The following ST6GALNAC4 variants were observed in gnomAD, a reference collection of about 807,000 sequenced individuals.
ST6GALNAC4 encodes alpha-N-acetyl-neuraminyl-2,3-beta-galactosyl-1,3-N-acetyl-galactosaminide alpha-2,6-sialyltransferase.
In ST6GALNAC4, 24 loss-of-function variants were observed where a neutral mutation model predicts 30.4. The observed-to-expected ratio is 0.79, with a 90% CI of 0.57 to 1.11. The LOEUF (loss-of-function observed/expected upper bound fraction) is 1.11. Among genes scored for constraint, ST6GALNAC4 ranks in the 50% most tolerant of loss-of-function variants. The pLI is 0.00. For missense variants in ST6GALNAC4, 365 were observed against 430.1 expected, an observed-to-expected ratio of 0.85 and a Z score of 1.34; for synonymous variants, 156 against 179.7, an observed-to-expected ratio of 0.87 and a Z score of 1.05.
rs372789800 is a variant in ST6GALNAC4 at position 127,916,408 on chromosome 9, C to T, written c.12G>A (p.Pro4=). ...GGAAGTCCTCCTTCTTCCCACTTAC[C>T]GGAGCCTTCATGCTGTCGCTGTCCC... The part of the protein sequence containing the change: MKA[P]GRLVLIILCS... Residue 4 remains proline, a splice_region_variant and synonymous_variant, in exon 2 of 6, where the codon CCG becomes CCA. Coordinates refer to ENST00000335791, the MANE Select transcript of ST6GALNAC4 (RefSeq NM_175039.4). 9 of 1,614,024 alleles carry T rather than the reference C, an allele frequency of 5.6e-6. No individual in the cohort carries two copies. Among genetic ancestry groups the T allele is most frequent in the South Asian group, 1.1e-5 (1 of 91,082 alleles).
intron 4 of ST6GALNAC4, chr9:127,910,271 C>A (rs1342255339): frequency 9.6e-6 from 13 of 1,354,320 alleles, no homozygotes; most frequent in African/African-American, 1.5e-5. Context: ...CTGATCACCT[C>A]CTCAGCACCC....
At position 127,914,559 on chromosome 9, in the gene ST6GALNAC4, C is replaced by CACATG; in HGVS notation, c.198+92_198+96dup. The CACATG allele has an allele frequency of 5.2e-6, 3 of 572,738 alleles. No homozygotes were observed. In the East Asian group the frequency reaches 3.1e-4, roughly 60 times the overall value. The allele number at this position is 572,738 out of a possible 1,614,324, so 35.5% of individuals were successfully genotyped here. A position where few individuals can be genotyped will look rare whatever the true frequency, so the allele number is the denominator to read the frequency against. ...GAGAGGTGATGTGATTGGCCAGGAT[C>CACATG]ACATGGCTGGTGAGTAGAGGGGCCA... On this transcript the variant is annotated intron_variant, in intron 3 of 5. Coordinates refer to ENST00000335791, the MANE Select transcript of ST6GALNAC4 (RefSeq NM_175039.4).
intron 5 of ST6GALNAC4, among the ~76,000 whole-genome samples, chr9:127,909,748 G>A (rs946764332): frequency 2.6e-5 from 4 of 152,150 alleles, no homozygotes; most frequent in Non-Finnish European, 5.9e-5. Flanking sequence ...GACCACAACA[G>A]CCACACTGGG....
intron 2 of ST6GALNAC4, 104 bp downstream of exon 2, chr9:127,916,304 G>C: frequency 6.8e-7 from 1 of 1,470,656 alleles, no homozygotes; most frequent in East Asian, 2.3e-5. Context: ...CTCAGCAGTA[G>C]GGAGGTCAGA....
chr9:127,916,109 C>G, intron 2 of ST6GALNAC4: 1 of 531,346 alleles, frequency 1.9e-6, no homozygotes, highest in Non-Finnish European at 3.4e-6. Context: ...GCAGTAAAGA[C>G]AAGAGCGGCT....
intron 3 of ST6GALNAC4, 98 bp downstream of exon 3, chr9:127,914,558 T>A: frequency 4.4e-5 from 20 of 459,420 alleles, no homozygotes; most frequent in East Asian, 4.1e-4. Flanking sequence ...TTGGCCAGGA[T>A]CACATGGCTG....
intron 3 of ST6GALNAC4, among the ~76,000 whole-genome samples, chr9:127,912,901 C>T (rs920085103): frequency 6.6e-6 from 1 of 152,232 alleles, no homozygotes; most frequent in Non-Finnish European, 1.5e-5. Flanking sequence ...CCCACTTCCT[C>T]ATCAGCCATA....
At position 127,912,678 on chromosome 9, in the gene ST6GALNAC4, C is replaced by A. The variant is rs201472441; in HGVS notation, c.201G>T (p.Pro67=). ...AGCTGCGGCAGGGCTCGCGGACCAG[C>A]GGCTGCAGGGCAGGCAGGGAGAAAG... ...SGYSSVPDGK[P]LVREPCRSCA... The change falls in exon 4 of 6, where the codon CCG becomes CCT. Residue 67 remains proline, a splice_region_variant and synonymous_variant. Transcript: ENST00000335791. The A allele has an allele frequency of 4.7e-5, 73 of 1,566,976 alleles. 1 individual carries two copies. In the East Asian group the frequency reaches 1.5e-3, roughly 31 times the overall value.
Position 127,912,619 on chromosome 9 carries a change from C to T in ST6GALNAC4, c.260G>A (p.Gly87Asp), listed in dbSNP as rs1409960885. Residue 87 changes from glycine (G) to aspartate (D), a missense_variant, in exon 4 of 6, where the codon GGC becomes GAC. By Grantham distance (94) the Gly-to-Asp change is moderately conservative (BLOSUM62 -1). Transcript: ENST00000335791. ...GTCGATCTCAGCACCCAGGCCTGAG[C>T]CCAGCATTTGGCCGGAGCTGGACAC... ...AVVSSSGQMLGSGLGAEIDSA... is the reference protein window; with the variant it reads ...AVVSSSGQMLDSGLGAEIDSA... The T allele has an allele frequency of 2.2e-5, 35 of 1,604,976 alleles. No homozygotes were observed. Among genetic ancestry groups the T allele is most frequent in the Non-Finnish European group, 3.0e-5 (35 of 1,178,506 alleles).
At chr9:127,909,902 G>T (rs761224182) in intron 5 of ST6GALNAC4, 49 bp downstream of exon 5, 9 of 1,560,320 alleles carry the variant, frequency 5.8e-6, no homozygotes, top group African/African-American at 1.4e-5. Context: ...GCCTAGGAGG[G>T]CTCACAGTCC....
rs1156934077 is a variant in ST6GALNAC4 at position 127,914,723 on chromosome 9, G to A, written c.131C>T (p.Thr44Ile). Residue 44 changes from threonine to isoleucine, a missense_variant, in exon 3 of 6, where the codon ACA (threonine) becomes ATA (isoleucine). By Grantham distance (89) the Thr-to-Ile change is moderately conservative. Coordinates refer to ENST00000335791, the MANE Select transcript of ST6GALNAC4 (RefSeq NM_175039.4). ...LATCLDHHFP[T>I]GSRPTVPGPL... ...TCCCGGCACAGTGGGCCTGGAGCCT[G>A]TGGGGAAGTGGTGGTCCAGGCAGGT... is the stretch of plus-strand genomic sequence containing the variant. 3.1e-6 allele frequency: 5 copies of A among 1,611,466 alleles called. No individual in the cohort carries two copies. Among genetic ancestry groups the A allele is most frequent in the Non-Finnish European group, 4.2e-6 (5 of 1,178,822 alleles).
At chr9:127,908,710 G>A in intron 5 of ST6GALNAC4, 129 bp from the exon 6 acceptor site, 2 of 767,842 alleles carry the variant, frequency 2.6e-6, no homozygotes, top group Non-Finnish European at 3.8e-6. Flanking sequence ...TCCCTGGGGA[G>A]GCCAAGACAC....
chr9:127,912,428 A>C lies in ST6GALNAC4; in HGVS notation c.451T>G (p.Trp151Gly), dbSNP rs761041607. 18 of 1,613,962 alleles carry C rather than the reference A, an allele frequency of 1.1e-5. No individual in the cohort carries two copies. Among genetic ancestry groups the C allele is most frequent in the Non-Finnish European group, 1.5e-5 (18 of 1,180,010 alleles). ...QKARDTLYMV[W>G]GQGRHMDRVL... is the part of the protein sequence containing the mutation. ...CGGTCCATGTGCCTGCCCTGGCCCCACACCATGTAGAGCGTGTCTCGGGCC... is the reference window on the plus strand; with the variant it reads ...CGGTCCATGTGCCTGCCCTGGCCCCCCACCATGTAGAGCGTGTCTCGGGCC... The change falls in exon 4 of 6, where the codon TGG becomes GGG. Residue 151 changes from tryptophan to glycine, a missense_variant. Physicochemically the swap from Trp to Gly is radical, Grantham distance 184. Coordinates refer to ENST00000335791, the MANE Select transcript of ST6GALNAC4 (RefSeq NM_175039.4).
At chr9:127,911,135 G>A (rs1451768968) in intron 4 of ST6GALNAC4, among the ~76,000 whole-genome samples, 1 of 152,172 alleles carries the variant, frequency 6.6e-6, no homozygotes, top group Non-Finnish European at 1.5e-5. Flanking sequence ...GGTAGAACAG[G>A]GAGACTGAAG....
At position 127,912,689 on chromosome 9, in the gene ST6GALNAC4, C is replaced by A. The variant is rs1217773348; in HGVS notation, c.199-9G>T. ...GGCTCGCGGACCAGCGGCTGCAGGG[C>A]AGGCAGGGAGAAAGAGACAGAGAGG... On this transcript the variant is annotated splice_polypyrimidine_tract_variant and intron_variant, in intron 3 of 5. Transcript: ENST00000335791. The A allele has an allele frequency of 6.4e-7, 1 of 1,555,342 alleles. No homozygotes were observed. Among genetic ancestry groups the A allele is most frequent in the Admixed American group, 1.8e-5 (1 of 55,802 alleles).
chr9:127,908,216 G>T lies in ST6GALNAC4; in HGVS notation c.*176C>A. On this transcript the variant is annotated 3_prime_UTR_variant, in exon 6 of 6. Coordinates refer to ENST00000335791, the MANE Select transcript of ST6GALNAC4 (RefSeq NM_175039.4). Reference sequence around the variant, plus strand: ...CCCCCTCCACTCCCCTTCAAGTCATGAGGCCTGAGATGGCTCCAAGTGTCG... The same window carrying T: ...CCCCCTCCACTCCCCTTCAAGTCATTAGGCCTGAGATGGCTCCAAGTGTCG... 2 of 316,676 alleles carry T rather than the reference G, an allele frequency of 6.3e-6. No individual in the cohort carries two copies. Among genetic ancestry groups the T allele is most frequent in the Non-Finnish European group, 5.4e-6 (1 of 184,324 alleles). 19.6% of individuals were successfully genotyped at this position (316,676 alleles called of 1,614,324 possible).
chr9:127,916,002 T>A, intron 2 of ST6GALNAC4: 1 of 270,650 alleles, frequency 3.7e-6, no homozygotes, highest in Non-Finnish European at 7.1e-6. Context: ...GCCTGGCACC[T>A]GCTCCCCTGC....
intron 3 of ST6GALNAC4, among the ~76,000 whole-genome samples, chr9:127,913,831 G>A (rs74717730): frequency 1.3e-5 from 2 of 151,994 alleles, no homozygotes; most frequent in South Asian, 2.1e-4. Context: ...GCACATGGAC[G>A]GGGTGCTCGG....
chr9:127,916,184 G>A (rs1026672529), intron 2 of ST6GALNAC4: 30 of 611,116 alleles, frequency 4.9e-5, no homozygotes, highest in East Asian at 1.6e-4. Flanking sequence ...CGTTACCTCC[G>A]TTTTACAGGG....
Sources: gnomAD v4.1 joint callset for allele counts (sites outside exome capture counted in the v4.1 genomes callset) on GRCh38, gnomAD v4.1.1 for gene constraint, MANE v1.5 for transcripts, NCBI Gene and HGNC (gene_info 2026-07-23, HGNC 2026-07-21) for gene names.